Variants in STAU2 observed in about 807,000 individuals in gnomAD.
The protein encoded by STAU2 is double-stranded RNA-binding protein Staufen homolog 2.
A neutral mutation model predicts 65.9 loss-of-function variants in STAU2; 20 were observed. That is an observed-to-expected ratio of 0.30 (90% CI 0.21 to 0.44). The LOEUF is 0.44. Among genes scored for constraint, STAU2 ranks in the 20% least tolerant of loss-of-function variants. The pLI is 1.00. For synonymous variants in STAU2, 232 were observed against 233.9 expected (o/e 0.99, Z 0.07); for missense variants, 558 against 683.9 (o/e 0.82, Z 2.05).
intron 6 of STAU2, among the ~76,000 whole-genome samples, chr8:73,636,899 C>A (rs1586167921): frequency 1.4e-5 from 2 of 147,996 alleles, no homozygotes; most frequent in South Asian, 4.2e-4. Flanking sequence ...CAAAGTTATA[C>A]TATGTTCAAA....
intron 13 of STAU2, among the ~76,000 whole-genome samples, chr8:73,530,920 G>C (rs1272288884): frequency 6.6e-6 from 1 of 152,122 alleles, no homozygotes. Context: ...GTCCCTCAGG[G>C]CCAGAGGGGG....
At chr8:73,466,641 C>T (rs1819671819) in intron 13 of STAU2, among the ~76,000 whole-genome samples, 1 of 152,192 alleles carries the variant, frequency 6.6e-6, no homozygotes, top group African/African-American at 2.4e-5. Context: ...TGGCCTTTCC[C>T]ACTCTCTCAC....
chr8:73,479,472 G>GCACACACACACACACACACACACACA (rs5892420), intron 13 of STAU2, among the ~76,000 whole-genome samples: 1 of 139,842 alleles, frequency 7.2e-6, no homozygotes, highest in African/African-American at 2.7e-5. Flanking sequence ...TCCCTATTCT[G>GCACACACACACACACACACACACACA]CACACACACA....
intron 4 of STAU2, among the ~76,000 whole-genome samples, chr8:73,696,456 T>C (rs943372657): frequency 1.3e-5 from 2 of 152,158 alleles, no homozygotes; most frequent in African/African-American, 4.8e-5. Flanking sequence ...GAATTCAAAA[T>C]AGCTGTTTTG....
chr8:73,683,922 G>A lies in STAU2; in HGVS notation c.274+4732C>T, dbSNP rs150295793. Among the ~76,000 whole-genome samples the A allele has an allele frequency of 8.7e-3, 1,330 of 152,070 alleles. 20 individuals are homozygous for A. The highest frequency in any genetic ancestry group is 0.03 in the African/African-American group (1,235 of 41,494). On this transcript the variant is annotated intron_variant, in intron 5 of 14. Transcript: ENST00000524300. ...ATGAAGAAGGTGGAAAGAACTCTAC[G>A]ACAAAAACTACAAAACACTGCTGAA...
At chr8:73,650,131 G>C (rs1231167024) in intron 6 of STAU2, among the ~76,000 whole-genome samples, 1 of 151,664 alleles carries the variant, frequency 6.6e-6, no homozygotes, top group African/African-American at 2.4e-5. Context: ...CAGATGTCTT[G>C]GGAGAATTTC....
intron 3 of STAU2, among the ~76,000 whole-genome samples, chr8:73,725,293 C>G (rs919095022): frequency 2.6e-5 from 4 of 152,146 alleles, no homozygotes; most frequent in Non-Finnish European, 5.9e-5. Context: ...CATAGGCTTA[C>G]TATTTTTATT....
intron 5 of STAU2, among the ~76,000 whole-genome samples, chr8:73,676,258 T>G (rs1377828454): frequency 6.6e-6 from 1 of 152,130 alleles, no homozygotes; most frequent in Non-Finnish European, 1.5e-5. Flanking sequence ...CAATACTGAG[T>G]TACAGTCACC....
chr8:73,722,486 T>C (rs998181466), intron 3 of STAU2, among the ~76,000 whole-genome samples: 1 of 152,258 alleles, frequency 6.6e-6, no homozygotes, highest in Non-Finnish European at 1.5e-5. Context: ...TGTAAACATC[T>C]TTATCTCATC....
chr8:73,741,102 G>A (rs1339234576), intron 1 of STAU2, among the ~76,000 whole-genome samples: 52 of 149,318 alleles, frequency 3.5e-4, no homozygotes, highest in Non-Finnish European at 1.6e-4. Flanking sequence ...TCAGGAGATC[G>A]AGACCATCCT....
Position 73,603,706 on chromosome 8 carries a change from T to G in STAU2, c.1029+20A>C. ...GGGGATTTCTAAATCTTTTCAATAG[T>G]TTTAAAAGGTTAGAAATACCTGCAT... On this transcript the variant is annotated intron_variant, in intron 10 of 14. Transcript: ENST00000524300. The G allele has an allele frequency of 6.2e-7, 1 of 1,605,648 alleles. No homozygotes were observed. The highest frequency in any genetic ancestry group is 8.5e-7 in the Non-Finnish European group (1 of 1,178,080).
intron 4 of STAU2, among the ~76,000 whole-genome samples, chr8:73,691,380 T>C (rs909686005): frequency 2.0e-5 from 3 of 152,194 alleles, no homozygotes; most frequent in Non-Finnish European, 4.4e-5. Flanking sequence ...GTCACCTCCT[T>C]GGTCTAAGGT....
intron 12 of STAU2, among the ~76,000 whole-genome samples, chr8:73,556,948 T>A (rs972229282): frequency 6.6e-6 from 1 of 152,124 alleles, no homozygotes; most frequent in South Asian, 2.1e-4. Flanking sequence ...TAAAAAAAAA[T>A]TGCCAATTTG....
chr8:73,459,897 G>A lies in STAU2; in HGVS notation c.1531-37195C>T, dbSNP rs1433917592. ...GGAAGGAGCAACTCCTATCGGGCACGGCTCCTTTGACTCTTGGGGCCTCCT... is the reference window on the plus strand; with the variant it reads ...GGAAGGAGCAACTCCTATCGGGCACAGCTCCTTTGACTCTTGGGGCCTCCT... On this transcript the variant is annotated intron_variant, in intron 13 of 14. Coordinates refer to ENST00000524300, the MANE Select transcript of STAU2 (RefSeq NM_001164380.2). 3.9e-5 allele frequency among the ~76,000 whole-genome samples: 6 copies of A among 152,234 alleles called. No homozygotes were observed. In the East Asian group the frequency reaches 7.7e-4, roughly 20 times the overall value.
chr8:73,607,190 A>C (rs1305757776), intron 9 of STAU2, among the ~76,000 whole-genome samples: 4 of 152,224 alleles, frequency 2.6e-5, no homozygotes, highest in Non-Finnish European at 5.9e-5. Context: ...TAAACAAATA[A>C]CTTTAGAAAA....
chr8:73,485,141 CTTTTTTTTTTTTT>C (rs10524978), intron 13 of STAU2, among the ~76,000 whole-genome samples: 38 of 82,858 alleles, frequency 4.6e-4, no homozygotes, highest in East Asian at 3.4e-3. Flanking sequence ...CATCCTTACT[CTTTTTTTTTTTTT>C]TTTTTTTTTT....
intron 6 of STAU2, among the ~76,000 whole-genome samples, chr8:73,662,326 C>T: frequency 6.6e-6 from 1 of 152,114 alleles, no homozygotes; most frequent in East Asian, 1.9e-4. Flanking sequence ...CTTGCTTTTT[C>T]ATTTTGTAAA....
intron 6 of STAU2, among the ~76,000 whole-genome samples, chr8:73,640,632 C>G (rs1253684295): frequency 6.6e-6 from 1 of 152,130 alleles, no homozygotes; most frequent in Non-Finnish European, 1.5e-5. Flanking sequence ...CATATAATTT[C>G]TACACATCAC....
chr8:73,505,876 C>T (rs568199543), intron 13 of STAU2, among the ~76,000 whole-genome samples: 1 of 152,158 alleles, frequency 6.6e-6, no homozygotes, highest in Admixed American at 6.5e-5. Context: ...GCATCATCCC[C>T]TTGGTGATAA....
Sources: gnomAD v4.1 joint callset for allele counts (sites outside exome capture counted in the v4.1 genomes callset) on GRCh38, gnomAD v4.1.1 for gene constraint, MANE v1.5 for transcripts, NCBI Gene and HGNC (gene_info 2026-07-23, HGNC 2026-07-21) for gene names.